Variants in STARD6 observed in about 807,000 individuals in gnomAD.
STARD6 encodes stAR-related lipid transfer protein 6.
Under a neutral mutation model 22.3 loss-of-function variants are expected in STARD6, and 21 were observed. The ratio of observed to expected loss-of-function variants is 0.94; its 90% CI spans 0.67 to 1.35. The LOEUF (loss-of-function observed/expected upper bound fraction) is 1.35, where lower values mean the gene tolerates loss of function less well. STARD6 is among the 40% of genes most tolerant of loss of function. The pLI, the probability that STARD6 is intolerant of heterozygous loss-of-function variation, is 0.00. For synonymous variants in STARD6, 80 were observed against 88.1 expected (o/e 0.91, Z 0.52); for missense variants, 269 against 266.9 (o/e 1.01, Z -0.05).
intron 4 of STARD6, among the ~76,000 whole-genome samples, chr18:54,339,315 A>G (rs1414431947): frequency 6.6e-6 from 1 of 151,738 alleles, no homozygotes; most frequent in African/African-American, 2.4e-5. Context: ...GCAAAAAAAT[A>G]TAGAAATAAA....
intron 7 of STARD6, among the ~76,000 whole-genome samples, chr18:54,328,640 AT>A (rs60137676): frequency 0.12 from 17,934 of 147,660 alleles, 3,534 homozygotes; most frequent in African/African-American, 0.41. Flanking sequence ...CTTCACATAC[AT>A]TTTTTTTTTT....
At chr18:54,343,209 G>A (rs2088993661) in intron 4 of STARD6, among the ~76,000 whole-genome samples, 1 of 37,906 alleles carries the variant, frequency 2.6e-5, no homozygotes, top group Non-Finnish European at 5.5e-5. Context: ...GAGAAGTGAG[G>A]AGACCCTCTG....
chr18:54,352,192 A>T (rs557167822), intron 4 of STARD6, among the ~76,000 whole-genome samples: 23 of 150,870 alleles, frequency 1.5e-4, no homozygotes, highest in Non-Finnish European at 3.1e-4. Flanking sequence ...ATTTTTTCCC[A>T]GAATTTATCG....
intron 4 of STARD6, among the ~76,000 whole-genome samples, chr18:54,346,336 T>G (rs1360122735): frequency 6.6e-6 from 1 of 152,100 alleles, no homozygotes; most frequent in Non-Finnish European, 1.5e-5. Context: ...ATTAAGGACA[T>G]GTAAATCAAA....
intron 7 of STARD6, among the ~76,000 whole-genome samples, chr18:54,326,416 C>T (rs1020410820): frequency 2.0e-5 from 3 of 151,454 alleles, no homozygotes; most frequent in African/African-American, 7.3e-5. Flanking sequence ...ACTGCAAGCC[C>T]CGCCTCCCGG....
chr18:54,353,836 A>G (rs933688391), intron 4 of STARD6: 39 of 343,862 alleles, frequency 1.1e-4, no homozygotes, highest in Non-Finnish European at 1.4e-4. Flanking sequence ...TAATTAGAAG[A>G]GATTTTTTAT....
intron 4 of STARD6, among the ~76,000 whole-genome samples, chr18:54,352,699 T>C (rs1327133284): frequency 6.6e-6 from 1 of 152,364 alleles, no homozygotes; most frequent in Non-Finnish European, 1.5e-5. Context: ...ACCAATTGTT[T>C]AGTTTTGCAT....
intron 4 of STARD6, among the ~76,000 whole-genome samples, chr18:54,344,583 T>TAAAAAAAAAAAAAAAATA (rs2089017148): frequency 1.1e-5 from 1 of 94,094 alleles, no homozygotes; most frequent in Non-Finnish European, 2.1e-5. Context: ...AAAAATAAAT[T>TAAAAAAAAAAAAAAAATA]AAAAAAAAAA....
intron 7 of STARD6, among the ~76,000 whole-genome samples, chr18:54,326,242 T>C (rs1346280691): frequency 1.3e-5 from 2 of 152,142 alleles, no homozygotes; most frequent in East Asian, 1.9e-4. Flanking sequence ...TAGTGGCTAG[T>C]TGAGAAAAAA....
chr18:54,334,087 A>G (rs1244736451), intron 5 of STARD6, among the ~76,000 whole-genome samples: 2 of 152,160 alleles, frequency 1.3e-5, no homozygotes, highest in Admixed American at 1.3e-4. Flanking sequence ...TCCCAAAGGA[A>G]CTTTATTTGT....
chr18:54,338,142 G>A (rs184226377), intron 4 of STARD6, among the ~76,000 whole-genome samples: 2 of 152,280 alleles, frequency 1.3e-5, no homozygotes, highest in East Asian at 1.9e-4. Flanking sequence ...CAAAAGTATA[G>A]TACAACCTGT....
intron 4 of STARD6, among the ~76,000 whole-genome samples, chr18:54,340,144 ATGTT>A (rs1433907636): frequency 6.6e-6 from 1 of 152,144 alleles, no homozygotes; most frequent in African/African-American, 2.4e-5. Context: ...ATCTTGAAGT[ATGTT>A]TGTATTCTCC....
chr18:54,349,568 T>C (rs1412519261), intron 4 of STARD6, among the ~76,000 whole-genome samples: 3 of 152,146 alleles, frequency 2.0e-5, no homozygotes, highest in Non-Finnish European at 4.4e-5. Context: ...ATAAATTCTG[T>C]GGTGGTAATT....
intron 5 of STARD6, among the ~76,000 whole-genome samples, chr18:54,336,901 G>C (rs987628450): frequency 6.6e-6 from 1 of 152,172 alleles, no homozygotes; most frequent in African/African-American, 2.4e-5. Context: ...CATTGCAGGA[G>C]AGCTTACCAG....
chr18:54,324,521 T>C lies in STARD6; in HGVS notation c.*171A>G. 1.9e-6 allele frequency: 1 copy of C among 533,848 alleles called. No homozygotes were observed. Among genetic ancestry groups the C allele is most frequent in the East Asian group, 3.5e-5 (1 of 28,940 alleles). The allele number at this position is 533,848 out of a possible 1,614,324, so 33.1% of individuals were successfully genotyped here. A position where few individuals can be genotyped will look rare whatever the true frequency, so the allele number is the denominator to read the frequency against. On this transcript the variant is annotated 3_prime_UTR_variant, in exon 8 of 8. Coordinates refer to ENST00000307844, the MANE Select transcript of STARD6 (RefSeq NM_139171.2). Reference sequence around the variant, plus strand: ...ATTAAAAACGGTATTTAATGCCATATTCTTGTACAACTATGAGTTCTTATT... The same window carrying C: ...ATTAAAAACGGTATTTAATGCCATACTCTTGTACAACTATGAGTTCTTATT...
chr18:54,338,369 A>C (rs1340474502), intron 4 of STARD6, among the ~76,000 whole-genome samples: 1 of 152,202 alleles, frequency 6.6e-6, no homozygotes, highest in Non-Finnish European at 1.5e-5. Context: ...CATATTTGAC[A>C]GTAGAGGGTA....
intron 2 of STARD6, 42 bp from the exon 3 acceptor site, chr18:54,354,619 T>A: frequency 7.3e-7 from 1 of 1,370,090 alleles, no homozygotes; most frequent in Admixed American, 2.0e-5. Context: ...AATATAACCA[T>A]ATAAAAACTT....
At chr18:54,349,995 T>C (rs553325753) in intron 4 of STARD6, among the ~76,000 whole-genome samples, 1 of 152,328 alleles carries the variant, frequency 6.6e-6, no homozygotes, top group East Asian at 1.9e-4. Context: ...TCTGGATACA[T>C]ACCCAGTAGT....
At chr18:54,346,820 C>G (rs945095581) in intron 4 of STARD6, among the ~76,000 whole-genome samples, 2 of 152,030 alleles carry the variant, frequency 1.3e-5, no homozygotes, top group African/African-American at 4.8e-5. Context: ...GACCACATAG[C>G]ATGTGATCTC....
Sources: allele counts gnomAD v4.1 joint callset (sites outside exome capture counted in the v4.1 genomes callset), GRCh38; gene constraint gnomAD v4.1.1; transcripts MANE v1.5; gene names NCBI Gene and HGNC (gene_info 2026-07-23, HGNC 2026-07-21).